GNAL: variants seen among roughly 807,000 people sequenced by gnomAD.
GNAL encodes guanine nucleotide-binding protein G(olf) subunit alpha.
A neutral mutation model predicts 55.1 loss-of-function variants in GNAL; 18 were observed. That is an observed-to-expected ratio of 0.33 (90% confidence interval 0.23 to 0.48). The LOEUF (loss-of-function observed/expected upper bound fraction) is 0.48. Among genes scored for constraint, GNAL ranks in the 20% least tolerant of loss-of-function variants. The probability of loss-of-function intolerance (pLI) is 0.99; values close to 1 mark genes in which losing one functional copy is unlikely to be tolerated. For synonymous variants in GNAL, 253 were observed against 237.0 expected (o/e 1.07, Z -0.62); for missense variants, 412 against 614.1 (o/e 0.67, Z 3.48).
chr18:11,859,284 A>G (rs1269351258), intron 5 of GNAL, among the ~76,000 whole-genome samples: 2 of 152,102 alleles, frequency 1.3e-5, no homozygotes, highest in Non-Finnish European at 1.5e-5. Flanking sequence ...CCAGAAACCC[A>G]TCTGACTGTC....
intron 4 of GNAL, among the ~76,000 whole-genome samples, chr18:11,770,819 A>G (rs913164375): frequency 2.6e-5 from 4 of 152,174 alleles, no homozygotes; most frequent in Admixed American, 2.6e-4. Context: ...TTTAAATTTA[A>G]GTTTTTTAAA....
intron 1 of GNAL, among the ~76,000 whole-genome samples, chr18:11,750,859 G>A (rs2032802870): frequency 6.6e-6 from 1 of 152,130 alleles, no homozygotes; most frequent in Non-Finnish European, 1.5e-5. Flanking sequence ...GAATGTGTTC[G>A]CTTGCTTGAG....
intron 1 of GNAL, chr18:11,746,239 T>G: frequency 2.1e-6 from 1 of 484,328 alleles, no homozygotes; most frequent in Non-Finnish European, 4.1e-6. Flanking sequence ...TCTGTAACAA[T>G]GTGGAGAAGC....
rs1023207935 is a variant in GNAL, at chr18:11,751,581, A to T, written c.377-1272A>T. The T allele has an allele frequency of 3.0e-6, 3 of 985,454 alleles. No homozygotes were observed. The highest frequency in any genetic ancestry group is 3.6e-6 in the Non-Finnish European group (3 of 829,956). The allele number at this position is 985,454 out of a possible 1,614,324, so 61.0% of individuals were successfully genotyped here. ...CCGCGAGTCTTCGCCCGCCAGGAGC[A>T]GGGACGCGTCCGAGCCAACACGGGG... On this transcript the variant is annotated intron_variant, in intron 1 of 11. Transcript: ENST00000334049. This position sits in a 1 kb window ranked among gnomAD's most constrained non-coding sequence, Gnocchi z 4.5.
chr18:11,813,399 C>G (rs1350251221), intron 4 of GNAL, among the ~76,000 whole-genome samples: 1 of 152,184 alleles, frequency 6.6e-6, no homozygotes, highest in Non-Finnish European at 1.5e-5. Context: ...TACCAACAGG[C>G]TTTTTTATAA....
chr18:11,776,707 CAAAAAAAAAAAAA>C (rs33937288), intron 4 of GNAL, among the ~76,000 whole-genome samples: 3 of 71,648 alleles, frequency 4.2e-5, no homozygotes, highest in African/African-American at 1.6e-4. Context: ...GATCCTGCCT[CAAAAAAAAAAAAA>C]AAAAAAAAAG....
chr18:11,729,495 C>T (rs2032286823), intron 1 of GNAL, among the ~76,000 whole-genome samples: 1 of 152,176 alleles, frequency 6.6e-6, no homozygotes, highest in African/African-American at 2.4e-5. Context: ...CTCTTTGAAA[C>T]ATTTTCTGAC....
In GNAL at chr18:11,852,056, C is replaced by T. The variant is rs748422423; in HGVS notation, c.723-10339C>T. 4.3e-6 allele frequency: 7 copies of T among 1,613,236 alleles called. No individual in the cohort carries two copies. The highest frequency in any genetic ancestry group is 1.3e-5 in the African/African-American group (1 of 74,904). On this transcript the variant is annotated intron_variant, in intron 5 of 11. Transcript: ENST00000334049. Reference sequence around the variant, plus strand: ...GGCTCCGTGGGCACGAGCGTGGCTTCGGCGGAGCAGGATGAACTGTCTCAG... The same window carrying T: ...GGCTCCGTGGGCACGAGCGTGGCTTTGGCGGAGCAGGATGAACTGTCTCAG...
intron 6 of GNAL, among the ~76,000 whole-genome samples, chr18:11,863,513 C>T (rs942497694): frequency 6.6e-6 from 1 of 152,208 alleles, no homozygotes; most frequent in Non-Finnish European, 1.5e-5. Flanking sequence ...GAGGCTTCCT[C>T]GTCTTGAGTC....
At chr18:11,851,172 A>C (rs879014348) in intron 5 of GNAL, among the ~76,000 whole-genome samples, 7 of 152,236 alleles carry the variant, frequency 4.6e-5, no homozygotes, top group Non-Finnish European at 1.0e-4. Context: ...GGGGGCACTA[A>C]TTTTTGTGAA....
chr18:11,738,791 G>T (rs536527101), intron 1 of GNAL, among the ~76,000 whole-genome samples: 3 of 152,078 alleles, frequency 2.0e-5, no homozygotes, highest in Non-Finnish European at 2.9e-5. Context: ...GGTAAAGGAG[G>T]AGGCACTCCT....
At chr18:11,835,951 C>T (rs2035488719) in intron 5 of GNAL, among the ~76,000 whole-genome samples, 1 of 151,994 alleles carries the variant, frequency 6.6e-6, no homozygotes, top group Non-Finnish European at 1.5e-5. Flanking sequence ...TTGAGACCAG[C>T]CTGGGTAACA....
intron 5 of GNAL, among the ~76,000 whole-genome samples, chr18:11,860,013 G>A: frequency 6.6e-6 from 1 of 152,138 alleles, no homozygotes; most frequent in East Asian, 1.9e-4. Flanking sequence ...CTCCCAAAGT[G>A]CTGGGATTAA....
intron 4 of GNAL, among the ~76,000 whole-genome samples, chr18:11,810,162 A>G (rs1487206645): frequency 6.6e-6 from 1 of 152,264 alleles, no homozygotes; most frequent in African/African-American, 2.4e-5. Flanking sequence ...AGGCCGAGAC[A>G]GATGCATTGC....
chr18:11,689,847 T>A lies in GNAL; in HGVS notation c.284T>A (p.Val95Asp). 6.5e-7 allele frequency: 1 copy of A among 1,532,620 alleles called. No homozygotes were observed. Among genetic ancestry groups the A allele is most frequent in the Non-Finnish European group, 8.7e-7 (1 of 1,142,964 alleles). 94.9% of individuals were successfully genotyped at this position (1,532,620 alleles called of 1,614,324 possible). The change falls in exon 1 of 12, where the codon GTC becomes GAC. Residue 95 changes from valine (V) to aspartate (D), a missense_variant. This residue lies in a region of GNAL where 228 missense variants were observed against 194.8 expected (regional missense o/e 1.17). Transcript: ENST00000334049. ...EREAAKEREA[V>D]KEARKVSRGI... is the part of the protein sequence containing the mutation. ...GAGGCGGCCAAGGAGCGCGAGGCGG[T>A]CAAGGAGGCGAGGAAAGTGAGCCGG...
At chr18:11,754,210 T>C (rs184975985) in intron 4 of GNAL, among the ~76,000 whole-genome samples, 1 of 151,636 alleles carries the variant, frequency 6.6e-6, no homozygotes, top group Admixed American at 6.6e-5. Context: ...AGGTCAGGAG[T>C]TCAAGCCCAG....
At chr18:11,807,028 G>A (rs1445303085) in intron 4 of GNAL, among the ~76,000 whole-genome samples, 10 of 151,958 alleles carry the variant, frequency 6.6e-5, no homozygotes, top group South Asian at 2.1e-4. Context: ...GCATGGTGGC[G>A]CACGCCTGTA....
intron 1 of GNAL, among the ~76,000 whole-genome samples, chr18:11,718,005 T>G (rs2032014383): frequency 6.6e-6 from 1 of 152,204 alleles, no homozygotes; most frequent in Non-Finnish European, 1.5e-5. Flanking sequence ...AATAGGCATA[T>G]GGATTGCTTG....
chr18:11,864,726 C>G, intron 7 of GNAL, 120 bp downstream of exon 7: 2 of 689,198 alleles, frequency 2.9e-6, no homozygotes, highest in Admixed American at 2.1e-5. Flanking sequence ...CAGGTAAGAG[C>G]AGCTGGGGTG....
Sources: gnomAD v4.1 joint callset for allele counts (sites outside exome capture counted in the v4.1 genomes callset) on GRCh38, gnomAD v4.1.1 for gene constraint, gnomAD v4.1.1 regional missense constraint, Gnocchi (gnomAD v3.1) non-coding constraint, MANE v1.5 for transcripts, NCBI Gene and HGNC (gene_info 2026-07-23, HGNC 2026-07-21) for gene names.